Variants in OGDH observed in about 807,000 individuals in gnomAD.
The protein encoded by OGDH is oxoglutarate dehydrogenase, also known as 2-oxoglutarate dehydrogenase complex component E1.
OGDH carries 38 observed loss-of-function variants against 116.6 expected under a neutral mutation model. That is an observed-to-expected ratio of 0.33 (90% CI 0.25 to 0.43). OGDH has a LOEUF of 0.43. Ranked by LOEUF, OGDH falls within the 20% of genes least tolerant of loss-of-function variation. OGDH has a pLI of 1.00. For missense variants in OGDH, 825 were observed against 1,357.2 expected (o/e 0.61, Z 6.16); for synonymous variants, 488 against 533.3 (o/e 0.92, Z 1.17).
chr7:44,686,772 T>C (rs938294379), intron 10 of OGDH, among the ~76,000 whole-genome samples: 4 of 148,364 alleles, frequency 2.7e-5, no homozygotes, highest in African/African-American at 1.0e-4. Flanking sequence ...CACTGTAGCC[T>C]CCACCTCCTG....
At chr7:44,645,606 A>G in intron 3 of OGDH, 88 bp downstream of exon 3, 3 of 1,266,510 alleles carry the variant, frequency 2.4e-6, no homozygotes, top group Admixed American at 2.5e-5. Context: ...TTCTGAGTGT[A>G]TGTTGTCACT....
intron 2 of OGDH, among the ~76,000 whole-genome samples, chr7:44,632,340 T>G (rs1186563561): frequency 2.6e-5 from 4 of 152,128 alleles, no homozygotes; most frequent in Admixed American, 2.6e-4. Context: ...TTACCCATAC[T>G]GGAGTGCAGT....
At chr7:44,645,276 T>C in intron 2 of OGDH, 51 bp from the exon 3 acceptor site, 1 of 1,546,594 alleles carries the variant, frequency 6.5e-7, no homozygotes, top group Non-Finnish European at 8.9e-7. Context: ...CACAGATGCA[T>C]CCTGGACTTA....
chr7:44,646,196 G>A (rs1229135725), intron 3 of OGDH, among the ~76,000 whole-genome samples: 1 of 152,224 alleles, frequency 6.6e-6, no homozygotes, highest in Non-Finnish European at 1.5e-5. Context: ...ATCTGTGATA[G>A]TTCTAAGGAC....
In OGDH at chr7:44,618,982, A is replaced by C. The variant is rs920624275; in HGVS notation, c.-27-5335A>C. On this transcript the variant is annotated intron_variant, in intron 1 of 22. Transcript: ENST00000222673. Reference sequence around the variant, plus strand: ...CCTTTTTGCCTGATCACCTATCTACATGGTTATCTATGCTTCAGTCATGCA... The same window carrying C: ...CCTTTTTGCCTGATCACCTATCTACCTGGTTATCTATGCTTCAGTCATGCA... 2.6e-5 allele frequency among the ~76,000 whole-genome samples: 4 copies of C among 152,306 alleles called. No homozygotes were observed. The East Asian group carries it at 7.7e-4, about 29-fold the overall frequency.
intron 2 of OGDH, among the ~76,000 whole-genome samples, chr7:44,632,179 G>A (rs1785470586): frequency 1.3e-5 from 2 of 152,210 alleles, no homozygotes; most frequent in African/African-American, 4.8e-5. Context: ...AGGATGTGGT[G>A]CAGGAGGAGT....
chr7:44,607,189 C>G (rs1050584597), intron 1 of OGDH, among the ~76,000 whole-genome samples: 2 of 152,238 alleles, frequency 1.3e-5, no homozygotes, highest in Non-Finnish European at 2.9e-5. Context: ...CTGGGTGGGA[C>G]TGCCTGTTTG....
At chr7:44,634,336 A>T (rs1346588896) in intron 2 of OGDH, among the ~76,000 whole-genome samples, 1 of 152,220 alleles carries the variant, frequency 6.6e-6, no homozygotes, top group Admixed American at 6.5e-5. Flanking sequence ...ACCCTTAGGG[A>T]CATCCGTTTG....
At chr7:44,641,909 T>C (rs1785959537) in intron 2 of OGDH, among the ~76,000 whole-genome samples, 1 of 152,204 alleles carries the variant, frequency 6.6e-6, no homozygotes, top group African/African-American at 2.4e-5. Flanking sequence ...GAGGCAGCCT[T>C]TACTTTGCCT....
intron 2 of OGDH, among the ~76,000 whole-genome samples, chr7:44,644,626 A>G (rs1786089075): frequency 6.6e-6 from 1 of 152,218 alleles, no homozygotes; most frequent in East Asian, 1.9e-4. Flanking sequence ...GATCCCTGAC[A>G]CAGAGATCAG....
intron 4 of OGDH, among the ~76,000 whole-genome samples, chr7:44,660,944 A>G (rs897970421): frequency 8.8e-5 from 13 of 147,070 alleles, no homozygotes; most frequent in African/African-American, 3.0e-4. Flanking sequence ...GCGCGTGTGC[A>G]CACACACACA....
chr7:44,697,731 G>A lies in OGDH; in HGVS notation c.2307G>A (p.Trp769Ter). ...DQFICPGQAK[W>*]VRQNGIVLLL... ...TCATCTGCCCGGGACAAGCCAAGTG[G>A]GTGCGGCAGAATGGCATCGTGTTGC... The change falls in exon 17 of 23, where the codon TGG becomes TGA. Residue 769 changes from tryptophan to a stop codon, truncating the protein, a stop_gained. Coordinates refer to ENST00000222673, the MANE Select transcript of OGDH (RefSeq NM_002541.4). LOFTEE classifies it high-confidence loss of function. This position sits in a 1 kb window ranked among gnomAD's most constrained non-coding sequence, Gnocchi z 6.0. 6.2e-7 allele frequency: 1 copy of A among 1,614,236 alleles called. No individual in the cohort carries two copies. Among genetic ancestry groups the A allele is most frequent in the East Asian group, 2.2e-5 (1 of 44,890 alleles).
chr7:44,679,974 G>A (rs1443154497), intron 9 of OGDH, among the ~76,000 whole-genome samples: 1 of 152,188 alleles, frequency 6.6e-6, no homozygotes, highest in African/African-American at 2.4e-5. Context: ...ACTTTGGGAG[G>A]CTGAGGCAAG....
intron 1 of OGDH, among the ~76,000 whole-genome samples, chr7:44,617,796 T>C (rs1008076057): frequency 2.0e-5 from 3 of 152,216 alleles, no homozygotes; most frequent in Non-Finnish European, 4.4e-5. Context: ...GATCATGTAA[T>C]GATGTGTGGG....
chr7:44,618,933 C>T (rs1009077297), intron 1 of OGDH, among the ~76,000 whole-genome samples: 5 of 152,220 alleles, frequency 3.3e-5, no homozygotes, highest in Admixed American at 6.5e-5. Context: ...TTTCCCCACT[C>T]GGTCTGTTGG....
chr7:44,686,609 A>G (rs1788133439), intron 10 of OGDH, among the ~76,000 whole-genome samples: 1 of 151,538 alleles, frequency 6.6e-6, no homozygotes, highest in Non-Finnish European at 1.5e-5. Flanking sequence ...TTCCCTTCCT[A>G]AATGATTGGT....
In OGDH at chr7:44,651,689, G is replaced by A. The variant is rs145044432; in HGVS notation, c.517+3930G>A. On this transcript the variant is annotated intron_variant, in intron 4 of 22. Coordinates refer to ENST00000222673, the MANE Select transcript of OGDH (RefSeq NM_002541.4). ...TGATTCTCCTGCCTCAACCTCCTGA[G>A]TAGCTGGGATTACAGGCACCCATCA... Among the ~76,000 whole-genome samples, 69 of 151,912 alleles carry A rather than the reference G, an allele frequency of 4.5e-4. 1 individual carries two copies. Among genetic ancestry groups the A allele is most frequent in the African/African-American group, 1.3e-3 (55 of 41,394 alleles).
chr7:44,701,025 A>G (rs890532770), intron 19 of OGDH, among the ~76,000 whole-genome samples: 2 of 152,216 alleles, frequency 1.3e-5, no homozygotes, highest in African/African-American at 4.8e-5. Flanking sequence ...CTCCGTCTCA[A>G]AAAACAAAAA....
chr7:44,665,374 AAAAAC>A lies in OGDH; in HGVS notation c.518-1348_518-1344del, dbSNP rs1373664155. Among the ~76,000 whole-genome samples the A allele has an allele frequency of 6.6e-5, 10 of 152,284 alleles. No homozygotes were observed. The South Asian group carries it at 8.3e-4, about 13-fold the overall frequency. On this transcript the variant is annotated intron_variant, in intron 4 of 22. Coordinates refer to ENST00000222673, the MANE Select transcript of OGDH (RefSeq NM_002541.4). Reference sequence around the variant, plus strand: ...ATGTAGAGTTTGCTTTTAAGACTTAAAAAACAAAACAAAACAAACAAAAAAAACCT... The same window carrying A: ...ATGTAGAGTTTGCTTTTAAGACTTAAAAAACAAAACAAACAAAAAAAACCT...
Sources: gnomAD v4.1 joint callset for allele counts (sites outside exome capture counted in the v4.1 genomes callset) on GRCh38, gnomAD v4.1.1 for gene constraint, Gnocchi (gnomAD v3.1) non-coding constraint, MANE v1.5 for transcripts, NCBI Gene and HGNC (gene_info 2026-07-23, HGNC 2026-07-21) for gene names.